The following PAPPA2 variants were observed in gnomAD, a reference collection of about 807,000 sequenced individuals.
The protein encoded by PAPPA2 is pappalysin 2.
A neutral mutation model predicts 176.4 loss-of-function variants in PAPPA2; 86 were observed. The observed-to-expected ratio is 0.49, with a 90% CI of 0.41 to 0.58. The LOEUF (loss-of-function observed/expected upper bound fraction) is 0.58, where lower values mean the gene tolerates loss of function less well. Among genes scored for constraint, PAPPA2 ranks in the 20% least tolerant of loss-of-function variants. PAPPA2 has a pLI of 0.00. For missense variants in PAPPA2, 2,073 were observed against 2,256.9 expected (o/e 0.92, Z 1.65); for synonymous variants, 809 against 852.2 (o/e 0.95, Z 0.88).
chr1:176,702,316 A>G (rs943712549), intron 8 of PAPPA2, among the ~76,000 whole-genome samples: 4 of 152,362 alleles, frequency 2.6e-5, no homozygotes, highest in Admixed American at 2.6e-4. Flanking sequence ...TGCACTTGAA[A>G]TACCATCTTC....
Position 176,690,345 on chromosome 1 carries a change from G to A in PAPPA2, c.2346G>A (p.Leu782=), listed in dbSNP as rs764873137. Residue 782 remains leucine (L), a synonymous_variant, in exon 5 of 23, where the codon CTG becomes CTA. Coordinates refer to ENST00000367662, the MANE Select transcript of PAPPA2 (RefSeq NM_020318.3). The stretch of plus-strand genomic sequence containing the variant: ...CCGCCCCCACTCCCAAGAGTGAGCT[G>A]TGCCGGGAACCAGAGCCCACTAGTG... The part of the protein sequence containing the change: ...ADTAPTPKSE[L]CREPEPTSDT... The A allele has an allele frequency of 1.9e-6, 3 of 1,614,062 alleles. No individual in the cohort carries two copies.
At chr1:176,825,604 G>A (rs1447194401) in intron 21 of PAPPA2, among the ~76,000 whole-genome samples, 1 of 152,168 alleles carries the variant, frequency 6.6e-6, no homozygotes, top group Non-Finnish European at 1.5e-5. Context: ...GAAAAGAAAG[G>A]AGAGACTAGG....
intron 12 of PAPPA2, among the ~76,000 whole-genome samples, chr1:176,731,067 A>G (rs1347883893): frequency 2.6e-5 from 4 of 152,082 alleles, no homozygotes; most frequent in Admixed American, 6.6e-5. Flanking sequence ...TCACTGGCCA[A>G]AAAGTGTCTA....
intron 3 of PAPPA2, among the ~76,000 whole-genome samples, chr1:176,634,841 GATA>G (rs1656581625): frequency 8.6e-6 from 1 of 115,916 alleles, no homozygotes; most frequent in Non-Finnish European, 1.9e-5. Context: ...TAGATAGATA[GATA>G]GATACATAGA....
At chr1:176,604,277 T>C (rs1161384972) in intron 3 of PAPPA2, among the ~76,000 whole-genome samples, 2 of 152,198 alleles carry the variant, frequency 1.3e-5, no homozygotes, top group African/African-American at 4.8e-5. Context: ...ATCACAAACA[T>C]GCTATTTTGT....
chr1:176,570,850 A>T (rs950462524), intron 2 of PAPPA2, among the ~76,000 whole-genome samples: 1 of 152,040 alleles, frequency 6.6e-6, no homozygotes. Flanking sequence ...AGCCAAGCAC[A>T]TTTGAGGAAG....
chr1:176,786,228 T>C (rs1418287309), intron 17 of PAPPA2, among the ~76,000 whole-genome samples: 1 of 152,184 alleles, frequency 6.6e-6, no homozygotes, highest in African/African-American at 2.4e-5. Context: ...GGAGAGGCAT[T>C]TTTAAATGTC....
At chr1:176,657,103 G>C (rs561606207) in intron 3 of PAPPA2, among the ~76,000 whole-genome samples, 6 of 151,622 alleles carry the variant, frequency 4.0e-5, no homozygotes, top group Non-Finnish European at 7.4e-5. Flanking sequence ...GCAGCACTCT[G>C]CCAGGCACTC....
chr1:176,767,110 A>G (rs1306299161), intron 15 of PAPPA2, among the ~76,000 whole-genome samples: 2 of 152,196 alleles, frequency 1.3e-5, no homozygotes, highest in Non-Finnish European at 2.9e-5. Context: ...CAGAGCCCTT[A>G]TTACCTGTTC....
At chr1:176,529,086 T>A (rs1649649873) in intron 1 of PAPPA2, among the ~76,000 whole-genome samples, 1 of 152,176 alleles carries the variant, frequency 6.6e-6, no homozygotes, top group African/African-American at 2.4e-5. Flanking sequence ...CTGCACAGAA[T>A]AGACACTTTA....
chr1:176,789,941 C>T lies in PAPPA2; in HGVS notation c.4848C>T (p.Ser1616=). Residue 1616 remains serine (S), a synonymous_variant, in exon 18 of 23, where the codon AGC becomes AGT. Transcript: ENST00000367662. ...GTACCAATGGCTTCAGCCTGGACAG[C>T]CAGTGTGTGCTCAACTGTAACCAGG... ...YECTNGFSLD[S]QCVLNCNQER... is the part of the protein sequence containing the mutation. The T allele has an allele frequency of 1.2e-6, 2 of 1,614,138 alleles. No homozygotes were observed. The highest frequency in any genetic ancestry group is 1.7e-6 in the Non-Finnish European group (2 of 1,179,996).
chr1:176,583,864 G>C (rs925726541), intron 2 of PAPPA2, among the ~76,000 whole-genome samples: 2 of 152,254 alleles, frequency 1.3e-5, no homozygotes, highest in East Asian at 1.9e-4. Flanking sequence ...AGACCAGCCT[G>C]GGCAACATAG....
At chr1:176,548,948 C>A (rs1334276034) in intron 1 of PAPPA2, among the ~76,000 whole-genome samples, 2 of 152,120 alleles carry the variant, frequency 1.3e-5, no homozygotes, top group Non-Finnish European at 2.9e-5. Context: ...ACCCACCTCA[C>A]AGGACTGTTG....
intron 12 of PAPPA2, among the ~76,000 whole-genome samples, chr1:176,717,733 A>C (rs982429953): frequency 2.6e-5 from 4 of 152,236 alleles, no homozygotes; most frequent in African/African-American, 9.6e-5. Flanking sequence ...GCATCTATTG[A>C]GATGATATTT....
intron 3 of PAPPA2, among the ~76,000 whole-genome samples, chr1:176,636,821 T>C (rs1385655332): frequency 6.6e-6 from 1 of 152,070 alleles, no homozygotes; most frequent in Non-Finnish European, 1.5e-5. Context: ...AATTATTGAG[T>C]GTTGTTTTTA....
At chr1:176,617,647 C>CAT (rs150600721) in intron 3 of PAPPA2, among the ~76,000 whole-genome samples, 2,119 of 147,670 alleles carry the variant, frequency 0.014, 20 homozygotes, top group African/African-American at 0.024. Flanking sequence ...TTCCATGGCG[C>CAT]ATATATATAT....
At chr1:176,722,706 ATAT>A (rs756152712) in intron 12 of PAPPA2, among the ~76,000 whole-genome samples, 13 of 152,054 alleles carry the variant, frequency 8.5e-5, no homozygotes, top group Non-Finnish European at 1.6e-4. Context: ...GTTCTTTTTT[ATAT>A]TATTATTAGA....
At chr1:176,585,016 G>A (rs560282382) in intron 2 of PAPPA2, among the ~76,000 whole-genome samples, 28 of 152,332 alleles carry the variant, frequency 1.8e-4, no homozygotes, top group African/African-American at 6.0e-4. Context: ...GGGATTACAG[G>A]CGTGAGCCAC....
rs948004854 is a variant in PAPPA2 at position 176,556,976 on chromosome 1, T to C, written c.654T>C (p.His218=). Residue 218 remains histidine, a synonymous_variant, in exon 2 of 23, where the codon CAT becomes CAC. Coordinates refer to ENST00000367662, the MANE Select transcript of PAPPA2 (RefSeq NM_020318.3). ...DGQGDSGISS[H]FQPWPKHSLK... is the part of the protein sequence containing the mutation. ...AGGGAGACTCCGGTATCTCTTCACA[T>C]TTCCAACCTTGGCCCAAGCATTCCC... 3 of 1,613,824 alleles carry C rather than the reference T, an allele frequency of 1.9e-6. No homozygotes were observed.
Sources: allele counts gnomAD v4.1 joint callset (sites outside exome capture counted in the v4.1 genomes callset), GRCh38; gene constraint gnomAD v4.1.1; transcripts MANE v1.5; gene names NCBI Gene and HGNC (gene_info 2026-07-23, HGNC 2026-07-21).